Variants in THSD4 observed in about 807,000 individuals in gnomAD.
THSD4 encodes thrombospondin type 1 domain containing 4.
A neutral mutation model predicts 119.0 loss-of-function variants in THSD4; 69 were observed. The observed-to-expected ratio is 0.58, with a 90% confidence interval of 0.48 to 0.71. The LOEUF (loss-of-function observed/expected upper bound fraction) is 0.71. Ranked by LOEUF, THSD4 falls within the 30% of genes least tolerant of loss-of-function variation. The pLI is 0.00. For missense variants in THSD4, 1,393 were observed against 1,391.1 expected (o/e 1.00, Z -0.02); for synonymous variants, 524 against 540.4 (o/e 0.97, Z 0.42).
chr15:71,292,713 G>A, intron 6 of THSD4, among the ~76,000 whole-genome samples: 1 of 127,314 alleles, frequency 7.9e-6, no homozygotes, highest in Admixed American at 9.2e-5. Flanking sequence ...GTCTTGCTCT[G>A]TCGCCCAGGC....
intron 7 of THSD4, among the ~76,000 whole-genome samples, chr15:71,484,166 T>C (rs2047778560): frequency 6.6e-6 from 1 of 152,224 alleles, no homozygotes; most frequent in Non-Finnish European, 1.5e-5. Context: ...ACGGAAACTT[T>C]TGGAATATTT....
At chr15:71,158,120 T>G (rs552446970) in intron 3 of THSD4, among the ~76,000 whole-genome samples, 1 of 152,050 alleles carries the variant, frequency 6.6e-6, no homozygotes, top group East Asian at 1.9e-4. Flanking sequence ...AAGTGTTCAT[T>G]TTCTTCCACA....
At chr15:71,376,816 T>C (rs1385561391) in intron 6 of THSD4, among the ~76,000 whole-genome samples, 2 of 152,232 alleles carry the variant, frequency 1.3e-5, no homozygotes, top group African/African-American at 2.4e-5. Context: ...CCGAGACATA[T>C]TGGATTGAAA....
At chr15:71,580,119 AAG>A (rs1595900862) in intron 7 of THSD4, among the ~76,000 whole-genome samples, 1 of 152,176 alleles carries the variant, frequency 6.6e-6, no homozygotes, top group Non-Finnish European at 1.5e-5. Flanking sequence ...AGGCAGTAAG[AAG>A]TATAGATGTC....
chr15:71,266,051 C>T (rs1320068862), intron 6 of THSD4, among the ~76,000 whole-genome samples: 1 of 152,240 alleles, frequency 6.6e-6, no homozygotes, highest in African/African-American at 2.4e-5. Flanking sequence ...CTTAAACATT[C>T]CTGCCTGCTG....
intron 8 of THSD4, among the ~76,000 whole-genome samples, chr15:71,721,643 C>T (rs2052724890): frequency 6.6e-6 from 1 of 151,454 alleles, no homozygotes; most frequent in Non-Finnish European, 1.5e-5. Context: ...GCACTCCAAC[C>T]TGAGTAACAG....
chr15:71,258,638 T>A (rs1238299423), intron 6 of THSD4, among the ~76,000 whole-genome samples: 1 of 152,218 alleles, frequency 6.6e-6, no homozygotes, highest in Non-Finnish European at 1.5e-5. Context: ...ATGTCTTACA[T>A]GGATTCTGGT....
At chr15:71,552,020 T>C (rs993250131) in intron 7 of THSD4, among the ~76,000 whole-genome samples, 1 of 151,686 alleles carries the variant, frequency 6.6e-6, no homozygotes, top group African/African-American at 2.4e-5. Context: ...TTAACTCTTT[T>C]CTGATGGATA....
intron 7 of THSD4, among the ~76,000 whole-genome samples, chr15:71,458,162 T>A (rs2047366624): frequency 1.3e-5 from 2 of 152,240 alleles, no homozygotes; most frequent in African/African-American, 4.8e-5. Flanking sequence ...TTAATTGTTA[T>A]AATTGTTGCT....
intron 6 of THSD4, among the ~76,000 whole-genome samples, chr15:71,369,283 T>G (rs1596373629): frequency 6.6e-6 from 1 of 152,214 alleles, no homozygotes; most frequent in African/African-American, 2.4e-5. Flanking sequence ...TTCTTTCTCC[T>G]GCCTGATTGC....
intron 7 of THSD4, among the ~76,000 whole-genome samples, chr15:71,633,071 A>G (rs2050663213): frequency 6.6e-6 from 1 of 152,108 alleles, no homozygotes; most frequent in Non-Finnish European, 1.5e-5. Context: ...AAAGAGGACA[A>G]AAAGGAAGGC....
At chr15:71,550,564 G>A (rs1020340771) in intron 7 of THSD4, among the ~76,000 whole-genome samples, 1 of 152,162 alleles carries the variant, frequency 6.6e-6, no homozygotes, top group Non-Finnish European at 1.5e-5. Context: ...AGCCTCCCAA[G>A]TAGCTGGGAC....
chr15:71,126,079 G>A (rs781323766), intron 1 of THSD4, among the ~76,000 whole-genome samples: 6 of 152,342 alleles, frequency 3.9e-5, no homozygotes, highest in South Asian at 4.1e-4. Context: ...GGGCATGGGC[G>A]TTGAGCCCCA....
intron 3 of THSD4, among the ~76,000 whole-genome samples, chr15:71,195,262 A>G (rs916231217): frequency 3.9e-5 from 6 of 152,200 alleles, no homozygotes; most frequent in Admixed American, 3.9e-4. Context: ...TGAAGTCAAA[A>G]TAAGTCAATC....
intron 7 of THSD4, among the ~76,000 whole-genome samples, chr15:71,563,153 T>C (rs778630118): frequency 6.6e-6 from 1 of 152,130 alleles, no homozygotes; most frequent in Non-Finnish European, 1.5e-5. Context: ...GTGCACAGCG[T>C]TGGACACATG....
chr15:71,588,260 C>G (rs375290679), intron 7 of THSD4, among the ~76,000 whole-genome samples: 4 of 145,212 alleles, frequency 2.8e-5, no homozygotes, highest in East Asian at 2.0e-4. Context: ...GAGCCGAGAT[C>G]GCGCCACTGC....
chr15:71,727,531 TAAA>T (rs368424121), intron 8 of THSD4, among the ~76,000 whole-genome samples: 189 of 15,668 alleles, frequency 0.012, 1 homozygote, highest in Non-Finnish European at 0.017. Context: ...CCCCATCTCT[TAAA>T]AAAAAAAAAA....
chr15:71,128,222 GA>G (rs112686096), intron 1 of THSD4, among the ~76,000 whole-genome samples: 20,806 of 143,838 alleles, frequency 0.14, 1,411 homozygotes, highest in South Asian at 0.2. Flanking sequence ...TGGGAAAGAA[GA>G]AAAAAAAAAA....
chr15:71,128,819 T>C (rs1217529301), intron 1 of THSD4, among the ~76,000 whole-genome samples: 1 of 152,164 alleles, frequency 6.6e-6, no homozygotes, highest in African/African-American at 2.4e-5. Flanking sequence ...GCTATAACAA[T>C]GAAGAGAGTG....
Sources: allele counts gnomAD v4.1 joint callset (sites outside exome capture counted in the v4.1 genomes callset), GRCh38; gene constraint gnomAD v4.1.1; transcripts MANE v1.5; gene names NCBI Gene and HGNC (gene_info 2026-07-23, HGNC 2026-07-21).